The following MAST1 variants were observed in gnomAD, a reference collection of about 807,000 sequenced individuals.
The protein encoded by MAST1 is microtubule associated serine/threonine kinase 1, also known as microtubule-associated serine/threonine-protein kinase 1.
A neutral mutation model predicts 124.6 loss-of-function variants in MAST1; 40 were observed. The ratio of observed to expected loss-of-function variants is 0.32; its 90% CI spans 0.25 to 0.42. The LOEUF (loss-of-function observed/expected upper bound fraction) is 0.42. Among genes scored for constraint, MAST1 ranks in the 10% least tolerant of loss-of-function variants. The pLI is 1.00. For synonymous variants in MAST1, 938 were observed against 939.4 expected (o/e 1.00, Z 0.03); for missense variants, 1,558 against 2,181.9 (o/e 0.71, Z 5.70).
chr19:12,858,975 T>C, intron 12 of MAST1: 4 of 597,918 alleles, frequency 6.7e-6, no homozygotes, highest in Non-Finnish European at 1.2e-5. Context: ...GTCTGACCCA[T>C]TATCCATCCA....
intron 10 of MAST1, among the ~76,000 whole-genome samples, chr19:12,857,706 C>G (rs1191518034): frequency 6.6e-6 from 1 of 152,174 alleles, no homozygotes; most frequent in Non-Finnish European, 1.5e-5. Context: ...GCCACCGCTC[C>G]AGGCCCGAAT....
At chr19:12,871,285 G>C in intron 24 of MAST1, 113 bp downstream of exon 24, 4 of 1,470,080 alleles carry the variant, frequency 2.7e-6, no homozygotes, top group African/African-American at 1.4e-5. Flanking sequence ...GGGAACAAAT[G>C]ACCAACAAGC....
Position 12,845,749 on chromosome 19 carries a change from T to G in MAST1, c.328-1541T>G, listed in dbSNP as rs549491103. On this transcript the variant is annotated intron_variant, in intron 4 of 25. Transcript: ENST00000251472. The stretch of plus-strand genomic sequence containing the variant: ...CCGGCTCACTGCAACCTCCATCTCC[T>G]GGGTTCAAGCAATTCTCCTGCCTCA... Among the ~76,000 whole-genome samples, 37 of 149,168 alleles carry G rather than the reference T, an allele frequency of 2.5e-4. 1 individual carries two copies. The highest frequency in any genetic ancestry group is 8.5e-4 in the African/African-American group (34 of 40,124).
chr19:12,847,118 C>T lies in MAST1; in HGVS notation c.328-172C>T. The T allele has an allele frequency of 1.7e-6, 1 of 601,948 alleles. No homozygotes were observed. Among genetic ancestry groups the T allele is most frequent in the Non-Finnish European group, 3.0e-6 (1 of 337,552 alleles). 37.3% of individuals were successfully genotyped at this position (601,948 alleles called of 1,614,324 possible). A position where few individuals can be genotyped will look rare whatever the true frequency, so the allele number is the denominator to read the frequency against. ...CTCCACCCCTGTCTGTCCCTGTCCA[C>T]CTGTCTGTGGCCAAGAGTCCCAGCC... On this transcript the variant is annotated intron_variant, in intron 4 of 25. Coordinates refer to ENST00000251472, the MANE Select transcript of MAST1 (RefSeq NM_014975.3). This position sits in a 1 kb window ranked among gnomAD's most constrained non-coding sequence, Gnocchi z 5.5.
At position 12,864,966 on chromosome 19, in the gene MAST1, C is replaced by T. The variant is rs934139664; in HGVS notation, c.1505+19C>T. ...CTGACAAGTGAGCTTTGATCTTTCCCATCACTCCCTCTGTCCCTCGGGAGG... is the reference window on the plus strand; with the variant it reads ...CTGACAAGTGAGCTTTGATCTTTCCTATCACTCCCTCTGTCCCTCGGGAGG... On this transcript the variant is annotated intron_variant, in intron 13 of 25. Transcript: ENST00000251472. 12 of 1,614,092 alleles carry T rather than the reference C, an allele frequency of 7.4e-6. No homozygotes were observed. The highest frequency in any genetic ancestry group is 1.0e-5 in the Non-Finnish European group (12 of 1,179,954).
At chr19:12,853,675 C>G (rs1407401581) in intron 10 of MAST1, among the ~76,000 whole-genome samples, 2 of 152,042 alleles carry the variant, frequency 1.3e-5, no homozygotes, top group African/African-American at 4.8e-5. Flanking sequence ...CGAAACCAGC[C>G]TGGCCAACAT....
Position 12,843,679 on chromosome 19 carries a change from C to A in MAST1, c.327+72C>A. On this transcript the variant is annotated intron_variant, in intron 4 of 25. Transcript: ENST00000251472. The surrounding 1 kb of genome is among the most constrained non-coding windows in gnomAD (Gnocchi z 4.9). ...GGGCCCTCCAGCCTGAAGACCCACA[C>A]CCAGGCCAGCAGTCCAGGCTGGGCT... 4 of 1,355,320 alleles carry A rather than the reference C, an allele frequency of 3.0e-6. No individual in the cohort carries two copies. The highest frequency in any genetic ancestry group is 4.2e-6 in the Non-Finnish European group (4 of 962,864). 84.0% of individuals were successfully genotyped at this position (1,355,320 alleles called of 1,614,324 possible).
chr19:12,858,806 C>A (rs1168604802), intron 12 of MAST1, 67 bp downstream of exon 12: 1 of 1,514,268 alleles, frequency 6.6e-7, no homozygotes, highest in Non-Finnish European at 9.1e-7. Context: ...GCGGGGTGGC[C>A]TGCCTGAGCC....
Position 12,847,756 on chromosome 19 carries a change from G to C in MAST1, c.564+69G>C. 1.3e-6 allele frequency: 2 copies of C among 1,585,668 alleles called. No individual in the cohort carries two copies. Among genetic ancestry groups the C allele is most frequent in the Non-Finnish European group, 1.7e-6 (2 of 1,162,414 alleles). ...GCACTCTCGCTCGCCTTATCCCCGCGCGCCCCCTGGCGGCCTCGGTGCGCA... is the reference window on the plus strand; with the variant it reads ...GCACTCTCGCTCGCCTTATCCCCGCCCGCCCCCTGGCGGCCTCGGTGCGCA... On this transcript the variant is annotated intron_variant, in intron 6 of 25. Transcript: ENST00000251472. The surrounding 1 kb of genome is among the most constrained non-coding windows in gnomAD (Gnocchi z 5.5).
chr19:12,844,662 T>TGCAAACCTCTAGAG (rs980775050), intron 4 of MAST1, among the ~76,000 whole-genome samples: 2 of 152,136 alleles, frequency 1.3e-5, no homozygotes, highest in African/African-American at 4.8e-5. Context: ...GAAGAGCATG[T>TGCAAACCTCTAGAG]GCAAACCTCT....
chr19:12,857,224 C>G (rs1187925725), intron 10 of MAST1, among the ~76,000 whole-genome samples: 1 of 151,868 alleles, frequency 6.6e-6, no homozygotes, highest in East Asian at 1.9e-4. Flanking sequence ...GCTGGGATTA[C>G]AGGCATGTGC....
At chr19:12,863,737 C>G (rs1408293773) in intron 12 of MAST1, among the ~76,000 whole-genome samples, 1 of 152,134 alleles carries the variant, frequency 6.6e-6, no homozygotes, top group Non-Finnish European at 1.5e-5. Flanking sequence ...GGAAGGAAAT[C>G]TAGCCTTTGT....
At position 12,866,271 on chromosome 19, in the gene MAST1, A is replaced by G. The variant is rs1213199035; in HGVS notation, c.2029+169A>G. On this transcript the variant is annotated intron_variant, in intron 17 of 25. Transcript: ENST00000251472. This position sits in a 1 kb window ranked among gnomAD's most constrained non-coding sequence, Gnocchi z 5.2. ...GGGCCAAGTGGGGCGGGGCTGACAT[A>G]CAGGCGGGGCTCAGGCTGAAATGTA... Among the ~76,000 whole-genome samples the G allele has an allele frequency of 6.6e-6, 1 of 151,954 alleles. No homozygotes were observed. Among genetic ancestry groups the G allele is most frequent in the East Asian group, 1.9e-4 (1 of 5,168 alleles).
chr19:12,865,665 C>T lies in MAST1; in HGVS notation c.1805-52C>T. 6.7e-7 allele frequency: 1 copy of T among 1,495,278 alleles called. No homozygotes were observed. Among genetic ancestry groups the T allele is most frequent in the Non-Finnish European group, 9.1e-7 (1 of 1,097,270 alleles). The allele number at this position is 1,495,278 out of a possible 1,614,324, so 92.6% of individuals were successfully genotyped here. ...TGGGTGACACAGTGAGATCCTGTGT[C>T]CAAACAACAACAACAACAAAAACCG... On this transcript the variant is annotated intron_variant, in intron 15 of 25. Transcript: ENST00000251472. This position sits in a 1 kb window ranked among gnomAD's most constrained non-coding sequence, Gnocchi z 7.1.
chr19:12,864,449 G>C (rs958828307), intron 12 of MAST1, among the ~76,000 whole-genome samples: 1 of 151,672 alleles, frequency 6.6e-6, no homozygotes. Context: ...AAGGCTTCCA[G>C]CTCCAAGGTT....
chr19:12,859,759 A>C, intron 12 of MAST1, among the ~76,000 whole-genome samples: 1 of 145,912 alleles, frequency 6.9e-6, no homozygotes. Flanking sequence ...GTGCTGCTGC[A>C]CTCCAGGCTA....
rs982445186 is a variant in MAST1 at position 12,840,677 on chromosome 19, G to T, written c.172+143G>T. On this transcript the variant is annotated intron_variant, in intron 2 of 25. Coordinates refer to ENST00000251472, the MANE Select transcript of MAST1 (RefSeq NM_014975.3). ...TTGGATAAGGGGCGGGGCCATGCTT[G>T]TGTGGGTGTGGTCAGTCGCAGAGGG... The T allele has an allele frequency of 1.3e-5, 9 of 679,156 alleles. No homozygotes were observed. The Admixed American group carries it at 2.0e-4, about 15-fold the overall frequency. The allele number at this position is 679,156 out of a possible 1,614,324, so 42.1% of individuals were successfully genotyped here.
rs1192641991 is a variant in MAST1, at chr19:12,873,920, C to T, written c.3763C>T (p.Pro1255Ser). Residue 1255 changes from proline (P) to serine (S), a missense_variant, in exon 26 of 26, where the codon CCC becomes TCC. Physicochemically the swap from Pro to Ser is moderately conservative, Grantham distance 74. This residue lies in a region of MAST1 where 263 missense variants were observed against 310.9 expected (regional missense o/e 0.85). Transcript: ENST00000251472. ...VVRPRPKSAE[P>S]PRSPLLKRVQ... ...GCGCCCGCGCCCCAAGAGTGCCGAG[C>T]CCCCTCGCTCGCCGCTCCTCAAGCG... The T allele has an allele frequency of 3.8e-6, 6 of 1,585,184 alleles. No homozygotes were observed. The highest frequency in any genetic ancestry group is 3.3e-4 in the Middle Eastern group (2 of 6,034).
At chr19:12,860,446 CTTTTTTT>C (rs397956908) in intron 12 of MAST1, among the ~76,000 whole-genome samples, 2 of 116,560 alleles carry the variant, frequency 1.7e-5, no homozygotes, top group Non-Finnish European at 1.7e-5. Context: ...TTCTTTCTTT[CTTTTTTT>C]TTTTTTTTTT....
Sources: gnomAD v4.1 joint callset for allele counts (sites outside exome capture counted in the v4.1 genomes callset) on GRCh38, gnomAD v4.1.1 for gene constraint, gnomAD v4.1.1 regional missense constraint, Gnocchi (gnomAD v3.1) non-coding constraint, MANE v1.5 for transcripts, NCBI Gene and HGNC (gene_info 2026-07-23, HGNC 2026-07-21) for gene names.